The following MEF2C variants were observed in gnomAD, a reference collection of about 807,000 sequenced individuals.
MEF2C encodes the protein myocyte-specific enhancer factor 2C.
MEF2C carries 6 observed loss-of-function variants against 50.5 expected under a neutral mutation model. The ratio of observed to expected loss-of-function variants is 0.12; its 90% confidence interval spans 0.07 to 0.23. The LOEUF is 0.23. Among genes scored for constraint, MEF2C ranks in the 10% least tolerant of loss-of-function variants. The probability of loss-of-function intolerance (pLI) is 1.00; values close to 1 mark genes in which losing one functional copy is unlikely to be tolerated. For synonymous variants in MEF2C, 183 were observed against 228.0 expected (o/e 0.80, Z 1.78); for missense variants, 276 against 605.0 (o/e 0.46, Z 5.70).
chr5:88,832,182 C>T (rs1813325406), intron 1 of MEF2C, among the ~76,000 whole-genome samples: 2 of 152,072 alleles, frequency 1.3e-5, no homozygotes, highest in Non-Finnish European at 2.9e-5. Flanking sequence ...AGAATCTTTA[C>T]ATTTATTTAC....
At chr5:88,886,814 C>T (rs1834090172), upstream of MEF2C, among the ~76,000 whole-genome samples, 1 of 152,204 alleles carries the variant, frequency 6.6e-6, no homozygotes, top group African/African-American at 2.4e-5. Context: ...TTACAGAGAG[C>T]ATGCTCCTCG....
intron 2 of MEF2C, among the ~76,000 whole-genome samples, chr5:88,811,211 A>T (rs958551652): frequency 6.6e-6 from 1 of 152,174 alleles, no homozygotes; most frequent in African/African-American, 2.4e-5. Flanking sequence ...GAACCATTGA[A>T]AGAATCTGGA....
chr5:88,848,441 T>A (rs959726650), intron 1 of MEF2C, among the ~76,000 whole-genome samples: 5 of 152,216 alleles, frequency 3.3e-5, no homozygotes, highest in Admixed American at 2.0e-4. Context: ...TTTTCACACA[T>A]TTCTATCTCT....
At chr5:88,845,468 G>T (rs1360813105) in intron 1 of MEF2C, among the ~76,000 whole-genome samples, 1 of 152,126 alleles carries the variant, frequency 6.6e-6, no homozygotes, top group Non-Finnish European at 1.5e-5. Flanking sequence ...AGTCATTTCA[G>T]TATCGACATA....
chr5:88,801,803 A>G (rs750568687), intron 3 of MEF2C, among the ~76,000 whole-genome samples: 2 of 152,072 alleles, frequency 1.3e-5, no homozygotes, highest in Non-Finnish European at 2.9e-5. Context: ...GGAACTTTTT[A>G]TAAATGCAAC....
intron 6 of MEF2C, chr5:88,739,048 A>G: frequency 2.0e-6 from 2 of 982,904 alleles, no homozygotes; most frequent in South Asian, 9.4e-5. Context: ...CTTAAATGGT[A>G]ATGATGCTTA....
intron 3 of MEF2C, among the ~76,000 whole-genome samples, chr5:88,794,325 A>T (rs1218797840): frequency 6.6e-6 from 1 of 152,148 alleles, no homozygotes; most frequent in African/African-American, 2.4e-5. Context: ...TGACTTTTTA[A>T]TGATCACCAT....
At chr5:88,879,650 G>A (rs142201328) in intron 1 of MEF2C, among the ~76,000 whole-genome samples, 1 of 152,054 alleles carries the variant, frequency 6.6e-6, no homozygotes, top group African/African-American at 2.4e-5. Context: ...CTTCATGTAA[G>A]CAGACAATTT....
In MEF2C at chr5:88,721,148, G is replaced by A. The variant is rs1004911907; in HGVS notation, c.*1456C>T. 1 of 152,462 alleles carries A rather than the reference G, an allele frequency of 6.6e-6. No individual in the cohort carries two copies. The highest frequency in any genetic ancestry group is 1.5e-5 in the Non-Finnish European group (1 of 67,990). The allele number at this position is 152,462 out of a possible 1,614,324, so 9.4% of individuals were successfully genotyped here. On this transcript the variant is annotated 3_prime_UTR_variant, in exon 11 of 11. Coordinates refer to ENST00000504921, the MANE Select transcript of MEF2C (RefSeq NM_002397.5). ...TTTGCAGGACATGTGCCCCAACATA[G>A]CTTTTCTATTCTGGGCATATTTCTA...
intron 1 of MEF2C, among the ~76,000 whole-genome samples, chr5:88,852,630 G>A (rs1821807762): frequency 6.6e-6 from 1 of 152,190 alleles, no homozygotes; most frequent in African/African-American, 2.4e-5. Flanking sequence ...CAACACTTTG[G>A]CAGGCCAAGG....
Position 88,722,124 on chromosome 5 carries a change from C to T in MEF2C, c.*480G>A. 1 of 154,716 alleles carries T rather than the reference C, an allele frequency of 6.5e-6. No individual in the cohort carries two copies. The highest frequency in any genetic ancestry group is 1.4e-5 in the Non-Finnish European group (1 of 69,358). The allele number at this position is 154,716 out of a possible 1,614,324, so 9.6% of individuals were successfully genotyped here. ...TGAGCATTCTTGGGATGTCAGGTGA[C>T]CTGGTGTGTTCCTAACATTTACCAA... is the stretch of plus-strand genomic sequence containing the variant. On this transcript the variant is annotated 3_prime_UTR_variant, in exon 11 of 11. Coordinates refer to ENST00000504921, the MANE Select transcript of MEF2C (RefSeq NM_002397.5).
intron 1 of MEF2C, among the ~76,000 whole-genome samples, chr5:88,891,488 C>G (rs1340798127): frequency 6.7e-6 from 1 of 149,934 alleles, no homozygotes; most frequent in African/African-American, 2.5e-5. Context: ...CTGAAAGCTC[C>G]ACCTCCTGGG....
chr5:88,901,698 T>A (rs914896800), intron 1 of MEF2C, among the ~76,000 whole-genome samples: 2 of 151,990 alleles, frequency 1.3e-5, no homozygotes, highest in African/African-American at 4.8e-5. Context: ...ACCATTCCCA[T>A]ACATTGAGGG....
At chr5:88,902,747 A>G (rs1835795500) in intron 1 of MEF2C, among the ~76,000 whole-genome samples, 1 of 151,756 alleles carries the variant, frequency 6.6e-6, no homozygotes, top group Non-Finnish European at 1.5e-5. Flanking sequence ...TTAGTAATTT[A>G]TATTGGTAGG....
intron 1 of MEF2C, among the ~76,000 whole-genome samples, chr5:88,890,500 T>A (rs1834420338): frequency 6.6e-6 from 1 of 152,190 alleles, no homozygotes. Context: ...AAAATAAAAA[T>A]AAATTCTGTC....
intron 1 of MEF2C, chr5:88,839,351 C>CTCTATCTATCTATCTA (rs150478297): frequency 4.8e-5 from 7 of 146,300 alleles, no homozygotes; most frequent in African/African-American, 1.8e-4. Context: ...CTCTCTCTCT[C>CTCTATCTATCTATCTA]TCTATCTATC....
intron 1 of MEF2C, among the ~76,000 whole-genome samples, chr5:88,902,593 G>A (rs1239505724): frequency 6.6e-6 from 1 of 150,782 alleles, no homozygotes; most frequent in African/African-American, 2.4e-5. Flanking sequence ...TATCCATGTC[G>A]TCACTGATTT....
At chr5:88,848,659 T>C (rs529132047) in intron 1 of MEF2C, among the ~76,000 whole-genome samples, 1 of 152,292 alleles carries the variant, frequency 6.6e-6, no homozygotes, top group South Asian at 2.1e-4. Flanking sequence ...AAATTAAGTT[T>C]GGATTTTGGT....
At chr5:88,877,989 G>A (rs1831614648) in intron 1 of MEF2C, 1 of 151,964 alleles carries the variant, frequency 6.6e-6, no homozygotes, top group Admixed American at 6.6e-5. Flanking sequence ...GCTCTTGTGG[G>A]AAAGGTCCAC....
Sources: allele counts gnomAD v4.1 joint callset (sites outside exome capture counted in the v4.1 genomes callset), GRCh38; gene constraint gnomAD v4.1.1; transcripts MANE v1.5; gene names NCBI Gene and HGNC (gene_info 2026-07-23, HGNC 2026-07-21).